LRTM3: variants seen among roughly 807,000 people sequenced by gnomAD.
LRTM3 encodes leucine-rich repeat transmembrane protein 3.
chr13:102,738,213 T>G, the LRTM3 span: 1 of 1,550,972 alleles, frequency 6.4e-7, no homozygotes, highest in Non-Finnish European at 8.7e-7. Flanking sequence ...TTAGCTGATA[T>G]TTTTACTTCA....
At chr13:102,752,273 T>C in the LRTM3 span, among the ~76,000 whole-genome samples, 3 of 152,210 alleles carry the variant, frequency 2.0e-5, no homozygotes, top group Non-Finnish European at 4.4e-5. Flanking sequence ...CAATTGCTCA[T>C]GCACACATTT....
At chr13:102,733,727 C>A in the LRTM3 span, 82 of 1,551,312 alleles carry the variant, frequency 5.3e-5, 1 homozygote, top group South Asian at 5.6e-4. Context: ...GTCCTCATCC[C>A]GTGAGTTTAA....
At chr13:102,739,290 T>A in the LRTM3 span, 1 of 1,549,816 alleles carries the variant, frequency 6.5e-7, no homozygotes, top group Non-Finnish European at 8.7e-7. Context: ...ATTACATCTT[T>A]CACATCTACT....
At chr13:102,748,324 C>T in the LRTM3 span, 2 of 1,551,050 alleles carry the variant, frequency 1.3e-6, no homozygotes, top group Non-Finnish European at 1.7e-6. Context: ...TTTCTGTATT[C>T]ACTTGAATTT....
chr13:102,751,505 G>A, the LRTM3 span, among the ~76,000 whole-genome samples: 3 of 151,728 alleles, frequency 2.0e-5, no homozygotes, highest in Non-Finnish European at 4.4e-5. Flanking sequence ...TTGAAGGTGG[G>A]GTCAAAAAAT....
the LRTM3 span, chr13:102,741,725 C>T: frequency 1.5e-5 from 23 of 1,550,230 alleles, no homozygotes; most frequent in Admixed American, 4.5e-4. Flanking sequence ...AATATCTAGT[C>T]TCTTCGATCC....
At chr13:102,744,889 C>T in the LRTM3 span, 1 of 1,550,632 alleles carries the variant, frequency 6.4e-7, no homozygotes, top group Non-Finnish European at 8.7e-7. Context: ...CTGCCTTTTC[C>T]CCTTTACCTG....
chr13:102,738,536 A>G, the LRTM3 span: 6 of 1,550,670 alleles, frequency 3.9e-6, no homozygotes, highest in Non-Finnish European at 5.2e-6. Flanking sequence ...TGATGATTTC[A>G]TTTTCTTCAA....
chr13:102,735,888 C>T, the LRTM3 span: 3 of 1,539,252 alleles, frequency 1.9e-6, no homozygotes, highest in Non-Finnish European at 2.6e-6. Flanking sequence ...GGAACCACTC[C>T]AGGTTCCTTT....
the LRTM3 span, chr13:102,733,903 A>G: frequency 1.3e-6 from 2 of 1,551,106 alleles, no homozygotes; most frequent in Non-Finnish European, 1.7e-6. Context: ...CTGAGTCTCT[A>G]TTTGTTATTT....
At chr13:102,754,760 A>G in the LRTM3 span, among the ~76,000 whole-genome samples, 1 of 152,180 alleles carries the variant, frequency 6.6e-6, no homozygotes, top group East Asian at 1.9e-4. Context: ...TTGAGATTTT[A>G]AAAACAACTC....
At chr13:102,733,461 C>T in the LRTM3 span, 13 of 1,551,310 alleles carry the variant, frequency 8.4e-6, no homozygotes, top group Non-Finnish European at 1.1e-5. Context: ...GCAGGGGTGC[C>T]AAGTGTGACA....
At chr13:102,755,947 A>ATT in the LRTM3 span, among the ~76,000 whole-genome samples, 3 of 79,090 alleles carry the variant, frequency 3.8e-5, no homozygotes, top group Middle Eastern at 0.016. Context: ...ATATACATAT[A>ATT]TATATATATA....
the LRTM3 span, chr13:102,730,992 C>A: frequency 1.3e-6 from 2 of 1,551,456 alleles, no homozygotes; most frequent in South Asian, 1.2e-5. Context: ...GATTCTCTTA[C>A]AATTCTGGGA....
chr13:102,735,482 C>T, the LRTM3 span: 3 of 1,551,266 alleles, frequency 1.9e-6, no homozygotes, highest in Non-Finnish European at 2.6e-6. Flanking sequence ...AGTATTAATG[C>T]TTGGCAGTCC....
the LRTM3 span, chr13:102,733,416 C>G: frequency 6.4e-7 from 1 of 1,551,286 alleles, no homozygotes; most frequent in Non-Finnish European, 8.7e-7. Context: ...TGCTGGTGAG[C>G]GTATCTCTCT....
chr13:102,734,611 T>C, the LRTM3 span: 5 of 1,551,098 alleles, frequency 3.2e-6, no homozygotes, highest in Non-Finnish European at 4.4e-6. Context: ...GAGGGATATG[T>C]TGCTTTTCAT....
the LRTM3 span, chr13:102,730,292 G>C: frequency 6.4e-7 from 1 of 1,551,350 alleles, no homozygotes; most frequent in Non-Finnish European, 8.7e-7. Flanking sequence ...ACTTAAATAA[G>C]AGTTGGCTTC....
At chr13:102,735,677 G>T in the LRTM3 span, 1 of 1,551,066 alleles carries the variant, frequency 6.4e-7, no homozygotes, top group Non-Finnish European at 8.7e-7. Context: ...CTGTGCTGTG[G>T]GTTGCACTGG....
Sources: allele counts gnomAD v4.1 joint callset (sites outside exome capture counted in the v4.1 genomes callset), GRCh38; gene constraint gnomAD v4.1.1; transcripts MANE v1.5; gene names NCBI Gene and HGNC (gene_info 2026-07-23, HGNC 2026-07-21).